The following WWOX variants were observed in gnomAD, a reference collection of about 807,000 sequenced individuals.
The protein encoded by WWOX is WW domain containing oxidoreductase.
WWOX carries 69 observed loss-of-function variants against 46.2 expected under a neutral mutation model. The ratio of observed to expected loss-of-function variants is 1.49; its 90% CI spans 1.23 to 1.82. The LOEUF is 1.82. Among genes scored for constraint, WWOX ranks in the 40% most tolerant of loss-of-function variants. The probability of loss-of-function intolerance (pLI) is 0.00; values close to 1 mark genes in which losing one functional copy is unlikely to be tolerated. For synonymous variants in WWOX, 359 were observed against 202.6 expected (o/e 1.77, Z -6.56); for missense variants, 919 against 542.6 (o/e 1.69, Z -6.89).
At chr16:79,000,302 G>A (rs1173750673) in intron 8 of WWOX, among the ~76,000 whole-genome samples, 1 of 152,190 alleles carries the variant, frequency 6.6e-6, no homozygotes, top group Non-Finnish European at 1.5e-5. Flanking sequence ...GAGCCCCGAA[G>A]ATGTCCAGGC....
At chr16:78,750,388 G>A (rs2049447377) in intron 8 of WWOX, among the ~76,000 whole-genome samples, 1 of 152,320 alleles carries the variant, frequency 6.6e-6, no homozygotes, top group South Asian at 2.1e-4. Flanking sequence ...TTTCCATTAG[G>A]ATCAGGAAGT....
chr16:79,189,119 G>A (rs1007160350), intron 8 of WWOX, among the ~76,000 whole-genome samples: 1 of 152,184 alleles, frequency 6.6e-6, no homozygotes, highest in Non-Finnish European at 1.5e-5. Context: ...AACCTAGGGA[G>A]AGAGATGGTA....
intron 8 of WWOX, among the ~76,000 whole-genome samples, chr16:78,632,583 G>A (rs1295507652): frequency 1.1e-3 from 9 of 8,360 alleles, no homozygotes; most frequent in African/African-American, 3.3e-3. Context: ...TTTTTTGGTG[G>A]AGTCTCGTTC....
At chr16:79,064,196 A>C (rs958074768) in intron 8 of WWOX, among the ~76,000 whole-genome samples, 2 of 152,238 alleles carry the variant, frequency 1.3e-5, no homozygotes, top group African/African-American at 4.8e-5. Flanking sequence ...TTGTTGTACA[A>C]GAGTGGGGTC....
intron 8 of WWOX, among the ~76,000 whole-genome samples, chr16:78,911,485 A>G (rs1436439443): frequency 6.6e-6 from 1 of 152,024 alleles, no homozygotes; most frequent in Non-Finnish European, 1.5e-5. Flanking sequence ...CAGAAGTTGA[A>G]GGAGATATAA....
chr16:78,358,458 G>C (rs141961412), intron 5 of WWOX, among the ~76,000 whole-genome samples: 2,035 of 152,264 alleles, frequency 0.013, 42 homozygotes, highest in African/African-American at 0.046. Flanking sequence ...AGGAGTTTGA[G>C]ACCAGCCTGG....
At position 78,937,612 on chromosome 16, in the gene WWOX, T is replaced by C. The variant is rs900216163; in HGVS notation, c.1057-273996T>C. 1.6e-3 allele frequency among the ~76,000 whole-genome samples: 234 copies of C among 144,150 alleles called. 1 individual carries two copies. The highest frequency in any genetic ancestry group is 4.5e-3 in the African/African-American group (163 of 36,156). The allele number at this position is 144,150 out of a possible 152,430, so 94.6% of individuals were successfully genotyped here. A position where few individuals can be genotyped will look rare whatever the true frequency, so the allele number is the denominator to read the frequency against. Reference sequence around the variant, plus strand: ...GCCCAGCTATAGAGCTTTATTTATTTATTTATTTATTTATTTATTTATTTA... The same window carrying C: ...GCCCAGCTATAGAGCTTTATTTATTCATTTATTTATTTATTTATTTATTTA... On this transcript the variant is annotated intron_variant, in intron 8 of 8. Transcript: ENST00000566780.
At chr16:78,811,183 G>A (rs551303001) in intron 8 of WWOX, among the ~76,000 whole-genome samples, 1 of 152,170 alleles carries the variant, frequency 6.6e-6, no homozygotes, top group African/African-American at 2.4e-5. Context: ...TCAGTGTTTT[G>A]TGACATTCTT....
rs150503458 is a variant in WWOX, at chr16:78,533,956, C to A, written c.1056+101204C>A. Among the ~76,000 whole-genome samples the A allele has an allele frequency of 5.9e-5, 9 of 152,224 alleles. No individual in the cohort carries two copies. The East Asian group carries it at 1.5e-3, about 26-fold the overall frequency. On this transcript the variant is annotated intron_variant, in intron 8 of 8. Transcript: ENST00000566780. ...TACAGTGCCAGATACAGAGTAGTAACCCTACATTCTAGCGTAGGCAAATAT... is the reference window on the plus strand; with the variant it reads ...TACAGTGCCAGATACAGAGTAGTAAACCTACATTCTAGCGTAGGCAAATAT...
chr16:78,920,497 G>C (rs1006107976), intron 8 of WWOX, among the ~76,000 whole-genome samples: 3 of 152,156 alleles, frequency 2.0e-5, no homozygotes, highest in African/African-American at 7.2e-5. Flanking sequence ...ACTGCTGCCT[G>C]CATCCCCAAC....
At chr16:78,684,273 GC>G (rs1433762516) in intron 8 of WWOX, among the ~76,000 whole-genome samples, 22 of 152,152 alleles carry the variant, frequency 1.4e-4, no homozygotes, top group African/African-American at 5.1e-4. Flanking sequence ...GATTGGACCT[GC>G]GGTCTGTCCA....
In WWOX at chr16:78,102,894, G is replaced by A. The variant is rs558102843; in HGVS notation, c.107+3009G>A. On this transcript the variant is annotated intron_variant, in intron 1 of 8. Transcript: ENST00000566780. ...CGCAGGCTTCTGTGGGTGGGTGGGTGGTGCACTGGGCCCCAGAGTACAAAG... is the reference window on the plus strand; with the variant it reads ...CGCAGGCTTCTGTGGGTGGGTGGGTAGTGCACTGGGCCCCAGAGTACAAAG... Among the ~76,000 whole-genome samples the A allele has an allele frequency of 3.7e-4, 57 of 152,300 alleles. 1 individual carries two copies. The highest frequency in any genetic ancestry group is 6.2e-4 in the Non-Finnish European group (42 of 68,026).
intron 8 of WWOX, among the ~76,000 whole-genome samples, chr16:79,159,005 C>G (rs1317562652): frequency 6.6e-6 from 1 of 152,160 alleles, no homozygotes; most frequent in East Asian, 1.9e-4. Flanking sequence ...TGCCTGCAGC[C>G]AACTCAAGAA....
rs752956790 is a variant in WWOX at position 78,334,808 on chromosome 16, G to GCACACACA, written c.517-52035_517-52028dup. On this transcript the variant is annotated intron_variant, in intron 5 of 8. Coordinates refer to ENST00000566780, the MANE Select transcript of WWOX (RefSeq NM_016373.4). ...GTCTCCCCTCCACACACACACACACGCACACACACACACACACACACACAT... is the reference window on the plus strand; with the variant it reads ...GTCTCCCCTCCACACACACACACACGCACACACACACACACACACACACACACACACAT... Among the ~76,000 whole-genome samples the GCACACACA allele has an allele frequency of 6.1e-4, 48 of 78,828 alleles. 1 individual carries two copies. Among genetic ancestry groups the GCACACACA allele is most frequent in the Non-Finnish European group, 1.2e-3 (40 of 34,460 alleles). The allele number at this position is 78,828 out of a possible 152,430, so 51.7% of individuals were successfully genotyped here. A position where few individuals can be genotyped will look rare whatever the true frequency, so the allele number is the denominator to read the frequency against.
chr16:78,846,781 G>A (rs2052309859), intron 8 of WWOX, among the ~76,000 whole-genome samples: 1 of 152,076 alleles, frequency 6.6e-6, no homozygotes, highest in Non-Finnish European at 1.5e-5. Context: ...GCATCCCTCT[G>A]GGGATCTTGC....
At chr16:78,189,299 G>A (rs926370051) in intron 5 of WWOX, among the ~76,000 whole-genome samples, 13 of 152,220 alleles carry the variant, frequency 8.5e-5, no homozygotes, top group African/African-American at 2.9e-4. Flanking sequence ...GCCCTTTCCT[G>A]CTGTAGTCCC....
intron 8 of WWOX, among the ~76,000 whole-genome samples, chr16:78,785,311 G>A (rs1039414796): frequency 1.3e-5 from 2 of 152,186 alleles, no homozygotes; most frequent in Non-Finnish European, 2.9e-5. Flanking sequence ...CCCAGCAGCA[G>A]CTTTGAGCAC....
chr16:78,248,263 A>C (rs1350606883), intron 5 of WWOX, among the ~76,000 whole-genome samples: 1 of 152,174 alleles, frequency 6.6e-6, no homozygotes, highest in Non-Finnish European at 1.5e-5. Context: ...AAAGCATCTC[A>C]CATGGTGCAA....
chr16:79,092,584 G>A (rs1356992725), intron 8 of WWOX, among the ~76,000 whole-genome samples: 3 of 152,128 alleles, frequency 2.0e-5, no homozygotes, highest in Non-Finnish European at 4.4e-5. Flanking sequence ...TCCTTGTTTT[G>A]TGTAATTGGT....
Sources: gnomAD v4.1 joint callset for allele counts (sites outside exome capture counted in the v4.1 genomes callset) on GRCh38, gnomAD v4.1.1 for gene constraint, MANE v1.5 for transcripts, NCBI Gene and HGNC (gene_info 2026-07-23, HGNC 2026-07-21) for gene names.